Variants in PCDHGA5 observed in about 807,000 individuals in gnomAD.
PCDHGA5 encodes protocadherin gamma subfamily A, 5, also known as protocadherin gamma-A5.
A neutral mutation model predicts 56.7 loss-of-function variants in PCDHGA5; 36 were observed. That is an observed-to-expected ratio of 0.64 (90% CI 0.49 to 0.84). The LOEUF (loss-of-function observed/expected upper bound fraction) is 0.84. Ranked by LOEUF, PCDHGA5 falls within the 40% of genes least tolerant of loss-of-function variation. PCDHGA5 has a pLI of 0.00. For missense variants in PCDHGA5, 1,305 were observed against 1,201.5 expected, an observed-to-expected ratio of 1.09 and a Z score of -1.27; for synonymous variants, 563 against 520.2, an observed-to-expected ratio of 1.08 and a Z score of -1.12.
In PCDHGA5 at chr5:141,423,305, A is replaced by G. The variant is rs746680027; in HGVS notation, c.2421+56554A>G. On this transcript the variant is annotated intron_variant, in intron 1 of 3. Coordinates refer to ENST00000518069, the MANE Select transcript of PCDHGA5 (RefSeq NM_018918.3). Reference sequence around the variant, plus strand: ...TCTGAAACCTCAGACCTCTCGCTGTACTTGGTGGTGGCGGTGGCCGCAGTC... The same window carrying G: ...TCTGAAACCTCAGACCTCTCGCTGTGCTTGGTGGTGGCGGTGGCCGCAGTC... 23 of 1,613,944 alleles carry G rather than the reference A, an allele frequency of 1.4e-5. No individual in the cohort carries two copies. Among genetic ancestry groups the G allele is most frequent in the Non-Finnish European group, 1.9e-5 (22 of 1,180,004 alleles).
At chr5:141,457,469 AG>A (rs1170841505) in intron 1 of PCDHGA5, among the ~76,000 whole-genome samples, 1 of 152,226 alleles carries the variant, frequency 6.6e-6, no homozygotes, top group Non-Finnish European at 1.5e-5. Context: ...CACAGGAATA[AG>A]CAGGGCCAGG....
In PCDHGA5 at chr5:141,365,152, C is replaced by G; in HGVS notation, c.822C>G (p.Asn274Lys). 1 of 1,613,880 alleles carries G rather than the reference C, an allele frequency of 6.2e-7. No individual in the cohort carries two copies. Residue 274 changes from asparagine (N) to lysine (K), a missense_variant, in exon 1 of 4, where the codon AAC becomes AAG. Asn to Lys is a moderately conservative substitution (Grantham distance 94). Coordinates refer to ENST00000518069, the MANE Select transcript of PCDHGA5 (RefSeq NM_018918.3). Reference sequence around the variant, plus strand: ...CCACGGATCCAGATGAGGGAATAAACGGGAAATTGACCTACTCTTTTCGCA... The same window carrying G: ...CCACGGATCCAGATGAGGGAATAAAGGGGAAATTGACCTACTCTTTTCGCA... ...LTATDPDEGI[N>K]GKLTYSFRNE...
chr5:141,403,547 G>T (rs940508173), intron 1 of PCDHGA5: 8 of 1,613,888 alleles, frequency 5.0e-6, no homozygotes, highest in African/African-American at 1.3e-5. Flanking sequence ...GCTGGAGCGC[G>T]CCCTGGACAG....
chr5:141,400,050 T>C (rs2093950243), intron 1 of PCDHGA5: 2 of 1,613,616 alleles, frequency 1.2e-6, no homozygotes, highest in Non-Finnish European at 1.7e-6. Flanking sequence ...TGCTGGTTGC[T>C]GTGCGTGATG....
chr5:141,470,707 TA>T (rs1207543665), intron 1 of PCDHGA5, among the ~76,000 whole-genome samples: 1 of 152,164 alleles, frequency 6.6e-6, no homozygotes, highest in African/African-American at 2.4e-5. Flanking sequence ...ATTTTTATTT[TA>T]TTTTTTTGAG....
At position 141,477,213 on chromosome 5, in the gene PCDHGA5, C is replaced by G; in HGVS notation, c.2422-17594C>G. ...TACAGCCCAGTACCCGAGGATGCCC[C>G]TCTGGGGACTGTCATCGCTTTGCTC... is the stretch of plus-strand genomic sequence containing the variant. On this transcript the variant is annotated intron_variant, in intron 1 of 3. Coordinates refer to ENST00000518069, the MANE Select transcript of PCDHGA5 (RefSeq NM_018918.3). The surrounding 1 kb of genome is among the most constrained non-coding windows in gnomAD (Gnocchi z 4.9). 6.2e-7 allele frequency: 1 copy of G among 1,614,184 alleles called. No individual in the cohort carries two copies.
At chr5:141,504,384 C>G (rs2099837898) in intron 2 of PCDHGA5, among the ~76,000 whole-genome samples, 1 of 152,026 alleles carries the variant, frequency 6.6e-6, no homozygotes, top group South Asian at 2.1e-4. Flanking sequence ...GAGTCGCTGC[C>G]TCACAGAAGC....
chr5:141,476,061 C>T lies in PCDHGA5; in HGVS notation c.2422-18746C>T. On this transcript the variant is annotated intron_variant, in intron 1 of 3. Coordinates refer to ENST00000518069, the MANE Select transcript of PCDHGA5 (RefSeq NM_018918.3). The surrounding 1 kb of genome is among the most constrained non-coding windows in gnomAD (Gnocchi z 7.6). Reference sequence around the variant, plus strand: ...AAGCGCTAACCCGCTGAAAGTTTCTCAGCGAAATCTCAGGGACGATCTGGA... The same window carrying T: ...AAGCGCTAACCCGCTGAAAGTTTCTTAGCGAAATCTCAGGGACGATCTGGA... The T allele has an allele frequency of 6.6e-7, 1 of 1,508,880 alleles. No homozygotes were observed. Among genetic ancestry groups the T allele is most frequent in the Non-Finnish European group, 8.8e-7 (1 of 1,136,354 alleles). 93.5% of individuals were successfully genotyped at this position (1,508,880 alleles called of 1,614,324 possible).
intron 1 of PCDHGA5, among the ~76,000 whole-genome samples, chr5:141,465,545 C>T (rs2099105349): frequency 6.6e-6 from 1 of 152,146 alleles, no homozygotes; most frequent in South Asian, 2.1e-4. Context: ...GGCATTTTTT[C>T]TGCTGAAGCT....
intron 1 of PCDHGA5, chr5:141,408,721 C>T (rs994778084): frequency 6.2e-7 from 1 of 1,611,372 alleles, no homozygotes; most frequent in Non-Finnish European, 8.5e-7. Flanking sequence ...ATAAGATAAA[C>T]TCTAATCCTT....
chr5:141,393,480 T>A (rs1026854698), intron 1 of PCDHGA5: 1 of 1,614,062 alleles, frequency 6.2e-7, no homozygotes, highest in Non-Finnish European at 8.5e-7. Context: ...GCCGCCTCGC[T>A]CTAGCACAGT....
rs1199756501 is a variant in PCDHGA5 at position 141,493,222 on chromosome 5, C to A, written c.2422-1585C>A. Among the ~76,000 whole-genome samples the A allele has an allele frequency of 6.6e-6, 1 of 152,194 alleles. No individual in the cohort carries two copies. Among genetic ancestry groups the A allele is most frequent in the East Asian group, 1.9e-4 (1 of 5,196 alleles). ...ACCTCATCTCATTTGCTCTTCCCAC[C>A]ATTGCTGTTGGCTAGGTACTAACAT... On this transcript the variant is annotated intron_variant, in intron 1 of 3. Coordinates refer to ENST00000518069, the MANE Select transcript of PCDHGA5 (RefSeq NM_018918.3). This position sits in a 1 kb window ranked among gnomAD's most constrained non-coding sequence, Gnocchi z 4.3.
At chr5:141,502,398 C>T (rs1303456458) in intron 2 of PCDHGA5, among the ~76,000 whole-genome samples, 1 of 151,688 alleles carries the variant, frequency 6.6e-6, no homozygotes, top group Non-Finnish European at 1.5e-5. Flanking sequence ...TTAAAATGTC[C>T]CCGAACCTGG....
At chr5:141,403,121 C>G in intron 1 of PCDHGA5, 1 of 1,614,046 alleles carries the variant, frequency 6.2e-7, no homozygotes, top group South Asian at 1.1e-5. Flanking sequence ...TCTGGAGCCC[C>G]GGGAGCTGGC....
chr5:141,482,103 A>C (rs34394498), intron 1 of PCDHGA5, among the ~76,000 whole-genome samples: 2 of 142,250 alleles, frequency 1.4e-5, no homozygotes, highest in Non-Finnish European at 3.0e-5. Flanking sequence ...AAAAAAAAAA[A>C]AATATCTAGA....
At chr5:141,415,450 C>A (rs774745130) in intron 1 of PCDHGA5, 44 of 1,614,086 alleles carry the variant, frequency 2.7e-5, no homozygotes, top group Non-Finnish European at 3.4e-5. Context: ...GACCTATTCC[C>A]ACGAGGTCTC....
At position 141,374,455 on chromosome 5, in the gene PCDHGA5, G is replaced by A. The variant is rs772470084; in HGVS notation, c.2421+7704G>A. 3.7e-6 allele frequency: 6 copies of A among 1,613,610 alleles called. No homozygotes were observed. In the South Asian group the frequency reaches 5.5e-5, roughly 15 times the overall value. The stretch of plus-strand genomic sequence containing the variant: ...TTTATCCCGTGGAAGTGGAAATAGT[G>A]GACATTAATGACAATACACCCCGAT... On this transcript the variant is annotated intron_variant, in intron 1 of 3. Coordinates refer to ENST00000518069, the MANE Select transcript of PCDHGA5 (RefSeq NM_018918.3).
chr5:141,481,676 G>T (rs975849679), intron 1 of PCDHGA5, among the ~76,000 whole-genome samples: 1 of 152,028 alleles, frequency 6.6e-6, no homozygotes, highest in Non-Finnish European at 1.5e-5. Flanking sequence ...AAATCAGGCC[G>T]GGCCTGGTGG....
intron 1 of PCDHGA5, chr5:141,442,449 T>TA (rs1488731055): frequency 6.6e-6 from 1 of 152,210 alleles, no homozygotes; most frequent in African/African-American, 2.4e-5. Context: ...CAGGACTCAA[T>TA]AGCAGTTTCA....
Sources: gnomAD v4.1 joint callset for allele counts (sites outside exome capture counted in the v4.1 genomes callset) on GRCh38, gnomAD v4.1.1 for gene constraint, Gnocchi (gnomAD v3.1) non-coding constraint, MANE v1.5 for transcripts, NCBI Gene and HGNC (gene_info 2026-07-23, HGNC 2026-07-21) for gene names.